The following STAU2 variants were observed in gnomAD, a reference collection of about 807,000 sequenced individuals.
STAU2 encodes double-stranded RNA-binding protein Staufen homolog 2.
Under a neutral mutation model 65.9 loss-of-function variants are expected in STAU2, and 20 were observed. The ratio of observed to expected loss-of-function variants is 0.30; its 90% CI spans 0.21 to 0.44. The LOEUF (loss-of-function observed/expected upper bound fraction) is 0.44. Among genes scored for constraint, STAU2 ranks in the 20% least tolerant of loss-of-function variants. The pLI is 1.00. For missense variants in STAU2, 558 were observed against 683.9 expected (o/e 0.82, Z 2.05); for synonymous variants, 232 against 233.9 (o/e 0.99, Z 0.07).
intron 5 of STAU2, 110 bp from the exon 6 acceptor site, chr8:73,673,352 T>C: frequency 1.9e-6 from 2 of 1,069,652 alleles, no homozygotes; most frequent in Non-Finnish European, 2.5e-6. Context: ...TAAGAATGGA[T>C]GGACCACCTG....
At chr8:73,613,681 T>A (rs943799193) in intron 9 of STAU2, 63 bp downstream of exon 9, 1 of 1,306,632 alleles carries the variant, frequency 7.7e-7, no homozygotes, top group African/African-American at 1.5e-5. Context: ...GAAAAATGCT[T>A]ATCTATAGCT....
intron 6 of STAU2, among the ~76,000 whole-genome samples, chr8:73,655,444 T>C (rs901273305): frequency 6.6e-6 from 1 of 152,064 alleles, no homozygotes; most frequent in Non-Finnish European, 1.5e-5. Flanking sequence ...TCTCTCCATT[T>C]CATCCTAATT....
chr8:73,610,288 C>A lies in STAU2; in HGVS notation c.891+3456G>T, dbSNP rs879841721. ...AGACCCTGTTTAAAAAAAAAAAAAA[C>A]AACTCTGGGTGGCAAAGGCAGGCAG... On this transcript the variant is annotated intron_variant, in intron 9 of 14. Coordinates refer to ENST00000524300, the MANE Select transcript of STAU2 (RefSeq NM_001164380.2). 9.3e-3 allele frequency among the ~76,000 whole-genome samples: 1,318 copies of A among 141,912 alleles called. 5 individuals are homozygous for A. Among genetic ancestry groups the A allele is most frequent in the Non-Finnish European group, 0.016 (1,003 of 64,620 alleles). The allele number at this position is 141,912 out of a possible 152,430, so 93.1% of individuals were successfully genotyped here.
At chr8:73,723,379 T>A (rs1344776206) in intron 3 of STAU2, among the ~76,000 whole-genome samples, 1 of 152,230 alleles carries the variant, frequency 6.6e-6, no homozygotes, top group Non-Finnish European at 1.5e-5. Flanking sequence ...CTTGGTGTAG[T>A]TTTATGTTTC....
At chr8:73,511,057 G>A (rs117361100) in intron 13 of STAU2, among the ~76,000 whole-genome samples, 2,012 of 152,360 alleles carry the variant, frequency 0.013, 32 homozygotes, top group Non-Finnish European at 0.02. Context: ...CCAAAGCGAG[G>A]CTGCTCTCTG....
Position 73,492,584 on chromosome 8 carries a change from C to T in STAU2, c.1530+59428G>A, listed in dbSNP as rs148273470. Among the ~76,000 whole-genome samples the T allele has an allele frequency of 4.9e-3, 740 of 151,916 alleles. 16 individuals carry two copies. The highest frequency in any genetic ancestry group is 0.028 in the Admixed American group (420 of 15,208). ...CATACACACACACATATACACAAACCTCTTAGGACCCAATTCCTAAGAATT... is the reference window on the plus strand; with the variant it reads ...CATACACACACACATATACACAAACTTCTTAGGACCCAATTCCTAAGAATT... On this transcript the variant is annotated intron_variant, in intron 13 of 14. Coordinates refer to ENST00000524300, the MANE Select transcript of STAU2 (RefSeq NM_001164380.2).
At chr8:73,685,162 A>G (rs1195930166) in intron 5 of STAU2, among the ~76,000 whole-genome samples, 1 of 151,996 alleles carries the variant, frequency 6.6e-6, no homozygotes, top group Admixed American at 6.6e-5. Flanking sequence ...ACCTTTAACC[A>G]TGACTGTAAG....
chr8:73,513,496 G>T (rs2128924939), intron 13 of STAU2, among the ~76,000 whole-genome samples: 1 of 152,260 alleles, frequency 6.6e-6, no homozygotes, highest in South Asian at 2.1e-4. Flanking sequence ...CTTTCTGCCA[G>T]GCCTTTTTGC....
At chr8:73,454,542 A>G (rs1177571680) in intron 13 of STAU2, among the ~76,000 whole-genome samples, 4 of 152,182 alleles carry the variant, frequency 2.6e-5, no homozygotes, top group Admixed American at 6.5e-5. Context: ...GGCAACAGAC[A>G]AGGGTAGTGA....
chr8:73,553,587 C>A (rs1807496141), intron 12 of STAU2, among the ~76,000 whole-genome samples: 1 of 152,010 alleles, frequency 6.6e-6, no homozygotes, highest in South Asian at 2.1e-4. Context: ...TTTGTCCAAG[C>A]CTTTAACATA....
chr8:73,551,697 G>C, intron 13 of STAU2: 2 of 1,025,146 alleles, frequency 2.0e-6, no homozygotes, highest in Non-Finnish European at 1.2e-6. Flanking sequence ...GTTTGTGGAA[G>C]ACAGAGCGAA....
chr8:73,603,760 C>T lies in STAU2; in HGVS notation c.995G>A (p.Arg332Lys). 6.2e-7 allele frequency: 1 copy of T among 1,611,758 alleles called. No homozygotes were observed. The highest frequency in any genetic ancestry group is 1.1e-5 in the South Asian group (1 of 90,866). Residue 332 changes from arginine (R) to lysine (K), a missense_variant, in exon 10 of 15, where the codon AGA becomes AAA. Transcript: ENST00000524300. ...KEPDYVLLSERGMPRRREFVM... is the reference protein window; with the variant it reads ...KEPDYVLLSEKGMPRRREFVM... ...AAATTCTCGACGTCGAGGCATTCCT[C>T]TTTCTGAAAGCAAAACATAATCCGG...
At chr8:73,659,241 T>G (rs1385616920) in intron 6 of STAU2, among the ~76,000 whole-genome samples, 1 of 152,128 alleles carries the variant, frequency 6.6e-6, no homozygotes, top group Admixed American at 6.5e-5. Flanking sequence ...CATGACATAT[T>G]AAAAAGAGCT....
At chr8:73,596,934 A>C (rs1201227890) in intron 10 of STAU2, among the ~76,000 whole-genome samples, 1 of 152,172 alleles carries the variant, frequency 6.6e-6, no homozygotes, top group African/African-American at 2.4e-5. Flanking sequence ...TTCCAGTGAA[A>C]ACTAGAAAAT....
At chr8:73,699,361 ATACGAGATCAC>A (rs1372977219) in intron 4 of STAU2, among the ~76,000 whole-genome samples, 1 of 152,072 alleles carries the variant, frequency 6.6e-6, no homozygotes, top group African/African-American at 2.4e-5. Flanking sequence ...TGAAAAAATT[ATACGAGATCAC>A]TAGAACAAAA....
intron 13 of STAU2, among the ~76,000 whole-genome samples, chr8:73,433,168 A>G (rs1817426405): frequency 6.6e-6 from 1 of 152,070 alleles, no homozygotes; most frequent in South Asian, 2.1e-4. Context: ...TGTTTTCCTA[A>G]TATTATTCCT....
Position 73,428,046 on chromosome 8 carries a change from C to A in STAU2, c.1531-5344G>T, listed in dbSNP as rs1816956584. The stretch of plus-strand genomic sequence containing the variant: ...TCAACTGTTAGCTATATTCACCACA[C>A]TGTGCAGTAGATGTCCAAAAAAATC... On this transcript the variant is annotated intron_variant, in intron 13 of 14. Transcript: ENST00000524300. Among the ~76,000 whole-genome samples, 3 of 152,192 alleles carry A rather than the reference C, an allele frequency of 2.0e-5. No individual in the cohort carries two copies. In the South Asian group the frequency reaches 6.2e-4, roughly 32 times the overall value.
chr8:73,569,356 C>G (rs977445787), intron 12 of STAU2, among the ~76,000 whole-genome samples: 1 of 152,106 alleles, frequency 6.6e-6, no homozygotes, highest in Non-Finnish European at 1.5e-5. Context: ...GAGGCCTGCC[C>G]GCCTCTGTAG....
intron 3 of STAU2, among the ~76,000 whole-genome samples, chr8:73,722,597 C>CTATATAAGCTTATATAAATCTATATAA (rs1302816618): frequency 2.6e-5 from 4 of 152,288 alleles, no homozygotes; most frequent in African/African-American, 9.6e-5. Flanking sequence ...TTGCTTATAT[C>CTATATAAGCTTATATAAATCTATATAA]GTTTCTGATA....
Sources: allele counts gnomAD v4.1 joint callset (sites outside exome capture counted in the v4.1 genomes callset), GRCh38; gene constraint gnomAD v4.1.1; transcripts MANE v1.5; gene names NCBI Gene and HGNC (gene_info 2026-07-23, HGNC 2026-07-21).